Variants in ENO4 observed in about 807,000 individuals in gnomAD.
ENO4 encodes the protein enolase 4.
In ENO4, 53 loss-of-function variants were observed where a neutral mutation model predicts 63.2. That is an observed-to-expected ratio of 0.84 (90% CI 0.67 to 1.05). The LOEUF (loss-of-function observed/expected upper bound fraction) is 1.05, where lower values mean the gene tolerates loss of function less well. ENO4 is among the 50% of genes least tolerant of loss of function. The pLI is 0.00. For missense variants in ENO4, 719 were observed against 772.0 expected (o/e 0.93, Z 0.81); for synonymous variants, 266 against 283.8 (o/e 0.94, Z 0.63).
At chr10:116,863,545 T>C (rs748123962) in intron 7 of ENO4, among the ~76,000 whole-genome samples, 15 of 152,230 alleles carry the variant, frequency 9.9e-5, no homozygotes, top group Admixed American at 6.5e-5. Context: ...TCCACTAATG[T>C]CCTTTTTCTG....
chr10:116,868,048 A>C (rs1846592591), intron 7 of ENO4, among the ~76,000 whole-genome samples: 1 of 152,174 alleles, frequency 6.6e-6, no homozygotes, highest in Non-Finnish European at 1.5e-5. Context: ...AATAATATGC[A>C]CCCAATACCC....
chr10:116,859,390 G>C (rs369484934), intron 4 of ENO4, among the ~76,000 whole-genome samples: 1 of 152,256 alleles, frequency 6.6e-6, no homozygotes, highest in Non-Finnish European at 1.5e-5. Context: ...TGCATTGAGC[G>C]GTGCCAAATT....
intron 10 of ENO4, among the ~76,000 whole-genome samples, chr10:116,889,932 T>C (rs61872990): frequency 0.14 from 20,997 of 152,168 alleles, 1,723 homozygotes; most frequent in Admixed American, 0.19. Context: ...CAAGACTCCT[T>C]CTGGAATGAG....
chr10:116,869,463 CA>C (rs372616542), intron 8 of ENO4, among the ~76,000 whole-genome samples: 2 of 149,630 alleles, frequency 1.3e-5, no homozygotes, highest in East Asian at 1.9e-4. Flanking sequence ...CAGCTGAAGA[CA>C]AAAAAAAGAG....
At chr10:116,860,167 C>T (rs1049390325) in intron 4 of ENO4, among the ~76,000 whole-genome samples, 2 of 152,138 alleles carry the variant, frequency 1.3e-5, no homozygotes, top group African/African-American at 4.8e-5. Context: ...TGTGAAGGAA[C>T]GGACAAGAGG....
chr10:116,878,742 C>T (rs372738654), intron 11 of ENO4, among the ~76,000 whole-genome samples: 22 of 114,342 alleles, frequency 1.9e-4, no homozygotes, highest in East Asian at 5.2e-4. Context: ...AATCATATAT[C>T]TTTTTTTTTT....
chr10:116,892,188 T>C (rs1306899341), intron 10 of ENO4, among the ~76,000 whole-genome samples: 1 of 152,190 alleles, frequency 6.6e-6, no homozygotes, highest in Non-Finnish European at 1.5e-5. Flanking sequence ...CACAATGCAA[T>C]GCTAGGGAGC....
rs1207340383 is a variant in ENO4, at chr10:116,868,519, G to T, written c.991-131G>T. 23 of 750,142 alleles carry T rather than the reference G, an allele frequency of 3.1e-5. No homozygotes were observed. In the East Asian group the frequency reaches 4.8e-4, roughly 16 times the overall value. 46.5% of individuals were successfully genotyped at this position (750,142 alleles called of 1,614,324 possible). A position where few individuals can be genotyped will look rare whatever the true frequency, so the allele number is the denominator to read the frequency against. On this transcript the variant is annotated intron_variant, in intron 7 of 13. Transcript: ENST00000341276. ...CATCCCTATGTGCATGAGTGCGTGT[G>T]TGTGCGTGTATGTGTGCACACGTGT...
chr10:116,859,298 GC>G (rs1327780875), intron 4 of ENO4, among the ~76,000 whole-genome samples, 160 bp downstream of exon 4: 2 of 152,174 alleles, frequency 1.3e-5, no homozygotes, highest in African/African-American at 4.8e-5. Flanking sequence ...CAAAGATTTT[GC>G]CCCCATCCCA....
At chr10:116,866,823 T>A (rs1402667129) in intron 7 of ENO4, among the ~76,000 whole-genome samples, 2 of 149,628 alleles carry the variant, frequency 1.3e-5, no homozygotes, top group Non-Finnish European at 1.5e-5. Flanking sequence ...AAAAAAAAAA[T>A]CCTGTATGGG....
chr10:116,868,341 A>C (rs1846598836), intron 7 of ENO4, among the ~76,000 whole-genome samples: 1 of 152,234 alleles, frequency 6.6e-6, no homozygotes, highest in African/African-American at 2.4e-5. Flanking sequence ...TATATGTGTG[A>C]ATAACACATT....
chr10:116,896,770 C>G (rs1847535091), intron 10 of ENO4, among the ~76,000 whole-genome samples: 1 of 151,008 alleles, frequency 6.6e-6, no homozygotes, highest in Non-Finnish European at 1.5e-5. Flanking sequence ...GTGGGAAAGA[C>G]TGCCCAATTT....
At chr10:116,899,802 T>A (rs370465114) in intron 10 of ENO4, among the ~76,000 whole-genome samples, 1 of 152,142 alleles carries the variant, frequency 6.6e-6, no homozygotes, top group African/African-American at 2.4e-5. Flanking sequence ...GCCAAGTCTA[T>A]AAAGTAAGAG....
At chr10:116,862,984 C>T in intron 7 of ENO4, 132 bp downstream of exon 7, 1 of 675,184 alleles carries the variant, frequency 1.5e-6, no homozygotes, top group Admixed American at 2.3e-5. Flanking sequence ...TGGGTTTCCC[C>T]CAAGAACCAA....
chr10:116,863,211 C>T (rs142433898), intron 7 of ENO4, among the ~76,000 whole-genome samples: 134 of 152,328 alleles, frequency 8.8e-4, no homozygotes, highest in African/African-American at 3.0e-3. Flanking sequence ...CAAACAAGGG[C>T]CCCTGGCAGA....
In ENO4 at chr10:116,855,760, C is replaced by G; in HGVS notation, c.294+9C>G. 1 of 1,531,646 alleles carries G rather than the reference C, an allele frequency of 6.5e-7. No individual in the cohort carries two copies. Among genetic ancestry groups the G allele is most frequent in the East Asian group, 2.5e-5 (1 of 40,776 alleles). 94.9% of individuals were successfully genotyped at this position (1,531,646 alleles called of 1,614,324 possible). A position where few individuals can be genotyped will look rare whatever the true frequency, so the allele number is the denominator to read the frequency against. On this transcript the variant is annotated intron_variant, in intron 2 of 13. Coordinates refer to ENST00000341276, the MANE Select transcript of ENO4 (RefSeq NM_001242699.2). ...TTCAAAACTTTCCCAAGGTATGAGG[C>G]AGTTTAAGTGTGTTCTTTAATGTCC... is the stretch of plus-strand genomic sequence containing the variant.
intron 10 of ENO4, among the ~76,000 whole-genome samples, chr10:116,894,551 C>T (rs1260159126): frequency 6.6e-6 from 1 of 152,108 alleles, no homozygotes; most frequent in Non-Finnish European, 1.5e-5. Context: ...TTAATTGTGG[C>T]TTAAAAGGAT....
At chr10:116,886,351 T>C (rs1847162170), downstream of ENO4, 1 of 1,553,204 alleles carries the variant, frequency 6.4e-7, no homozygotes, top group African/African-American at 1.4e-5. Flanking sequence ...GGATCAGCAG[T>C]TGGAGCTGTC....
chr10:116,876,419 C>G (rs1846834694), intron 11 of ENO4, among the ~76,000 whole-genome samples, 159 bp downstream of exon 11: 1 of 152,232 alleles, frequency 6.6e-6, no homozygotes, highest in African/African-American at 2.4e-5. Context: ...ACACAAAAGG[C>G]AGCTTACTGA....
Sources: gnomAD v4.1 joint callset for allele counts (sites outside exome capture counted in the v4.1 genomes callset) on GRCh38, gnomAD v4.1.1 for gene constraint, MANE v1.5 for transcripts, NCBI Gene and HGNC (gene_info 2026-07-23, HGNC 2026-07-21) for gene names.